The following SPIRE1 variants were observed in gnomAD, a reference collection of about 807,000 sequenced individuals.
SPIRE1 encodes protein spire homolog 1.
In SPIRE1, 40 loss-of-function variants were observed where a neutral mutation model predicts 94.1. The ratio of observed to expected loss-of-function variants is 0.43; its 90% CI spans 0.33 to 0.55. The LOEUF is 0.55. SPIRE1 is among the 20% of genes least tolerant of loss of function. The pLI is 0.06. For missense variants in SPIRE1, 838 were observed against 975.2 expected (o/e 0.86, Z 1.87); for synonymous variants, 376 against 371.7 (o/e 1.01, Z -0.13).
At chr18:12,610,747 G>C (rs1268385414) in intron 2 of SPIRE1, among the ~76,000 whole-genome samples, 1 of 151,918 alleles carries the variant, frequency 6.6e-6, no homozygotes, top group African/African-American at 2.4e-5. Context: ...CACTGTCCTT[G>C]GTGACTATAA....
At chr18:12,475,925 T>C (rs1196508595) in intron 10 of SPIRE1, among the ~76,000 whole-genome samples, 1 of 152,234 alleles carries the variant, frequency 6.6e-6, no homozygotes, top group Non-Finnish European at 1.5e-5. Flanking sequence ...GAATTGTCTT[T>C]ACTAATTCAC....
intron 5 of SPIRE1, 64 bp from the exon 6 acceptor site, chr18:12,506,705 G>T: frequency 7.0e-7 from 1 of 1,430,076 alleles, no homozygotes; most frequent in Non-Finnish European, 9.7e-7. Flanking sequence ...TAAACAGCTA[G>T]TCATACAGAA....
At chr18:12,628,773 G>T (rs1320731363) in intron 2 of SPIRE1, among the ~76,000 whole-genome samples, 1 of 152,100 alleles carries the variant, frequency 6.6e-6, no homozygotes, top group African/African-American at 2.4e-5. Context: ...CATATCCCTT[G>T]TAAGTTGGAT....
At chr18:12,461,488 G>GTA (rs371455283) in intron 12 of SPIRE1, among the ~76,000 whole-genome samples, 7 of 147,356 alleles carry the variant, frequency 4.8e-5, no homozygotes, top group East Asian at 2.1e-4. Context: ...ATACATATGT[G>GTA]TGTATGCACG....
chr18:12,480,620 G>A (rs1353602827), intron 9 of SPIRE1, among the ~76,000 whole-genome samples: 1 of 152,148 alleles, frequency 6.6e-6, no homozygotes, highest in East Asian at 1.9e-4. Context: ...TATTCATACT[G>A]ATTTTGATCT....
intron 1 of SPIRE1, among the ~76,000 whole-genome samples, chr18:12,648,373 G>A (rs995455317): frequency 6.6e-6 from 1 of 152,110 alleles, no homozygotes; most frequent in Non-Finnish European, 1.5e-5. Context: ...GATGTGATCA[G>A]GGGGAGCCCT....
intron 10 of SPIRE1, among the ~76,000 whole-genome samples, chr18:12,465,439 C>T (rs891192325): frequency 3.3e-5 from 5 of 152,080 alleles, no homozygotes; most frequent in Admixed American, 1.3e-4. Context: ...AGGTGTGAGC[C>T]GCTGCACCTG....
chr18:12,660,442 C>T (rs1207385260), upstream of SPIRE1, among the ~76,000 whole-genome samples: 3 of 152,088 alleles, frequency 2.0e-5, no homozygotes, highest in Non-Finnish European at 2.9e-5. Context: ...GTGCCTCGGC[C>T]TCCCGAGTAG....
chr18:12,570,385 C>A (rs964183280), intron 2 of SPIRE1, among the ~76,000 whole-genome samples: 1 of 152,102 alleles, frequency 6.6e-6, no homozygotes, highest in Non-Finnish European at 1.5e-5. Context: ...CAGCGCCTAC[C>A]CTTTCAGTTG....
At position 12,546,610 on chromosome 18, in the gene SPIRE1, A is replaced by G. The variant is rs56908154; in HGVS notation, c.603+64T>C. On this transcript the variant is annotated intron_variant, in intron 3 of 16. Coordinates refer to ENST00000409402, the MANE Select transcript of SPIRE1 (RefSeq NM_001128626.2). ...AGTGAGACCATCTCTCCAGGGGGGG[A>G]AAAAAAAGAAGAAGAAATAACAACT... 1.0e-2 allele frequency: 3,357 copies of G among 336,974 alleles called. 71 individuals are homozygous for G. Among genetic ancestry groups the G allele is most frequent in the African/African-American group, 0.058 (2,856 of 49,154 alleles). The allele number at this position is 336,974 out of a possible 1,614,324, so 20.9% of individuals were successfully genotyped here.
chr18:12,588,203 T>G (rs2036438920), intron 2 of SPIRE1, among the ~76,000 whole-genome samples: 2 of 152,234 alleles, frequency 1.3e-5, no homozygotes, highest in African/African-American at 4.8e-5. Context: ...CACATTTTAT[T>G]CATCCATTCA....
intron 2 of SPIRE1, among the ~76,000 whole-genome samples, chr18:12,626,867 A>AATATATATATATATAT (rs1555634098): frequency 2.2e-4 from 24 of 110,448 alleles, no homozygotes; most frequent in South Asian, 6.9e-4. Context: ...TAAGCTGTAA[A>AATATATATATATATAT]ATATATATAT....
At chr18:12,510,126 T>C (rs2033988052) in intron 5 of SPIRE1, among the ~76,000 whole-genome samples, 1 of 150,898 alleles carries the variant, frequency 6.6e-6, no homozygotes, top group South Asian at 2.1e-4. Flanking sequence ...TACCATATGA[T>C]TACATTTATA....
chr18:12,460,526 A>T (rs1424331428), intron 12 of SPIRE1, among the ~76,000 whole-genome samples: 1 of 152,176 alleles, frequency 6.6e-6, no homozygotes. Context: ...CAGCCTGACC[A>T]ACATGGAGAA....
chr18:12,550,061 T>C lies in SPIRE1; in HGVS notation c.373-3157A>G, dbSNP rs528183043. Among the ~76,000 whole-genome samples, 5 of 152,314 alleles carry C rather than the reference T, an allele frequency of 3.3e-5. No homozygotes were observed. In the East Asian group the frequency reaches 9.6e-4, roughly 29 times the overall value. On this transcript the variant is annotated intron_variant, in intron 2 of 16. Transcript: ENST00000409402. ...AAACAATCATTTTCCCACTTTCAAATGTACAAACTGATAGGAATCTCTACT... is the reference window on the plus strand; with the variant it reads ...AAACAATCATTTTCCCACTTTCAAACGTACAAACTGATAGGAATCTCTACT...
At position 12,463,385 on chromosome 18, in the gene SPIRE1, A is replaced by T; in HGVS notation, c.1604T>A (p.Phe535Tyr). The T allele has an allele frequency of 1.2e-6, 2 of 1,613,906 alleles. No individual in the cohort carries two copies. Among genetic ancestry groups the T allele is most frequent in the Non-Finnish European group, 1.7e-6 (2 of 1,179,884 alleles). The change falls in exon 12 of 17, where the codon TTC becomes TAC. Residue 535 changes from phenylalanine to tyrosine, a missense_variant. By Grantham distance (22) the Phe-to-Tyr change is conservative. Transcript: ENST00000409402. ...EKETPTNVRQ[F>Y]LPPSRQSSRS... ...GGAACTCTGCCTGGAAGGCGGCAGG[A>T]ACTGCCTCACGTTAGTAGGCGTTTC...
At chr18:12,489,850 G>A (rs551619252) in intron 8 of SPIRE1, among the ~76,000 whole-genome samples, 26 of 152,234 alleles carry the variant, frequency 1.7e-4, no homozygotes, top group East Asian at 1.5e-3. Context: ...GGATGCCTCC[G>A]GCTGTTGTTA....
intron 3 of SPIRE1, among the ~76,000 whole-genome samples, chr18:12,545,415 G>C (rs1005723730): frequency 8.5e-5 from 13 of 152,142 alleles, no homozygotes; most frequent in Admixed American, 2.6e-4. Context: ...GGGGCACTCA[G>C]CACACCTGAA....
intron 2 of SPIRE1, among the ~76,000 whole-genome samples, chr18:12,569,970 A>T (rs1412385431): frequency 1.3e-5 from 2 of 152,244 alleles, no homozygotes; most frequent in Admixed American, 6.5e-5. Context: ...GTCAACAGAC[A>T]CACAGATGGA....
Sources: allele counts gnomAD v4.1 joint callset (sites outside exome capture counted in the v4.1 genomes callset), GRCh38; gene constraint gnomAD v4.1.1; transcripts MANE v1.5; gene names NCBI Gene and HGNC (gene_info 2026-07-23, HGNC 2026-07-21).